The following DST variants were observed in gnomAD, a reference collection of about 807,000 sequenced individuals.
DST encodes dystonin, also known as bullous pemphigoid antigen.
DST carries 253 observed loss-of-function variants against 875.2 expected under a neutral mutation model. That is an observed-to-expected ratio of 0.29 (90% CI 0.26 to 0.32). The LOEUF is 0.32. Ranked by LOEUF, DST falls within the 10% of genes least tolerant of loss-of-function variation. DST has a pLI of 1.00. For missense variants in DST, 8,287 were observed against 9,111.6 expected, an observed-to-expected ratio of 0.91 and a Z score of 3.68; for synonymous variants, 3,124 against 3,197.1, an observed-to-expected ratio of 0.98 and a Z score of 0.77.
At chr6:56,580,640 G>A (rs2097958634) in intron 49 of DST, among the ~76,000 whole-genome samples, 1 of 151,380 alleles carries the variant, frequency 6.6e-6, no homozygotes, top group Non-Finnish European at 1.5e-5. Flanking sequence ...CACTGCTGGA[G>A]AGGGCAGGAA....
chr6:56,871,397 G>A (rs1777017263), intron 3 of DST: 2 of 1,429,438 alleles, frequency 1.4e-6, no homozygotes, highest in Non-Finnish European at 2.0e-6. Flanking sequence ...GAGTTGGCAG[G>A]TGTGCCCAGG....
chr6:56,824,561 G>A (rs1041430586), intron 4 of DST, among the ~76,000 whole-genome samples: 9 of 151,696 alleles, frequency 5.9e-5, no homozygotes, highest in African/African-American at 2.2e-4. Context: ...AGGAAATGAG[G>A]AGCGTCTCTG....
intron 49 of DST, among the ~76,000 whole-genome samples, chr6:56,589,907 A>C (rs1396525502): frequency 6.6e-6 from 1 of 152,268 alleles, no homozygotes; most frequent in Non-Finnish European, 1.5e-5. Context: ...TCAGAATATA[A>C]GTAGAAGATA....
chr6:56,582,905 T>C (rs1045568932), intron 49 of DST, among the ~76,000 whole-genome samples: 4 of 152,154 alleles, frequency 2.6e-5, no homozygotes, highest in African/African-American at 9.7e-5. Context: ...TTCATCCATG[T>C]CCCTACAAAG....
intron 10 of DST, among the ~76,000 whole-genome samples, chr6:56,661,213 T>C (rs1303393794): frequency 6.6e-6 from 1 of 152,178 alleles, no homozygotes; most frequent in Non-Finnish European, 1.5e-5. Flanking sequence ...AACTACTTCA[T>C]ATCACAGGCT....
At chr6:56,777,994 C>G (rs1167479318) in intron 4 of DST, among the ~76,000 whole-genome samples, 1 of 152,076 alleles carries the variant, frequency 6.6e-6, no homozygotes, top group Admixed American at 6.5e-5. Flanking sequence ...TGAGCCACTG[C>G]CCCCGGCCTG....
intron 17 of DST, among the ~76,000 whole-genome samples, chr6:56,641,384 C>A (rs1234118734): frequency 6.6e-6 from 1 of 152,016 alleles, no homozygotes; most frequent in Non-Finnish European, 1.5e-5. Context: ...GTCAGGAGTA[C>A]AAGACCAGCC....
At chr6:56,625,089 A>T in intron 35 of DST, 68 bp downstream of exon 35, 1 of 1,136,422 alleles carries the variant, frequency 8.8e-7, no homozygotes, top group Non-Finnish European at 1.3e-6. Context: ...ACAACAAAAA[A>T]TAAAATTTAA....
chr6:56,902,910 G>A (rs561500922), intron 2 of DST, among the ~76,000 whole-genome samples: 31 of 58,324 alleles, frequency 5.3e-4, no homozygotes, highest in Admixed American at 2.9e-3. Context: ...CCACCCACCC[G>A]CCCCCTCCAC....
chr6:56,927,796 A>C (rs6903352), intron 2 of DST, among the ~76,000 whole-genome samples: 2,818 of 152,326 alleles, frequency 0.018, 88 homozygotes, highest in African/African-American at 0.064. Flanking sequence ...TAGATATTTC[A>C]ACAGGAGGGA....
At chr6:56,474,043 A>G in intron 92 of DST, 41 bp from the exon 93 acceptor site, 2 of 1,534,022 alleles carry the variant, frequency 1.3e-6, no homozygotes, top group Non-Finnish European at 1.8e-6. Flanking sequence ...AAGAGTTACT[A>G]CAGAAAACCG....
chr6:56,743,959 C>A (rs2099558429), intron 4 of DST, among the ~76,000 whole-genome samples: 1 of 151,960 alleles, frequency 6.6e-6, no homozygotes, highest in South Asian at 2.1e-4. Flanking sequence ...TTCGAGACCA[C>A]CTGCATGGTG....
chr6:56,867,005 C>T (rs1259094521), intron 3 of DST, among the ~76,000 whole-genome samples: 1 of 152,076 alleles, frequency 6.6e-6, no homozygotes, highest in Non-Finnish European at 1.5e-5. Context: ...AAGCTTGTTA[C>T]AGAACAACAG....
intron 5 of DST, 123 bp from the exon 6 acceptor site, chr6:56,704,492 T>C (rs1036594155): frequency 1.5e-5 from 8 of 527,210 alleles, no homozygotes; most frequent in Non-Finnish European, 2.7e-5. Flanking sequence ...CACCTATTTT[T>C]AAATTTTTAA....
At chr6:56,623,524 T>C (rs2098708388) in intron 36 of DST, among the ~76,000 whole-genome samples, 1 of 152,160 alleles carries the variant, frequency 6.6e-6, no homozygotes, top group Non-Finnish European at 1.5e-5. Flanking sequence ...TGCAGAAAAC[T>C]GTTAACTCTG....
At chr6:56,511,574 C>G (rs1268017551) in intron 72 of DST, among the ~76,000 whole-genome samples, 174 bp from the exon 73 acceptor site, 2 of 152,096 alleles carry the variant, frequency 1.3e-5, no homozygotes, top group African/African-American at 2.4e-5. Context: ...AAGGTCCTGA[C>G]ACAAAGATTA....
chr6:56,884,320 A>G (rs943768038), intron 3 of DST, among the ~76,000 whole-genome samples: 17 of 152,154 alleles, frequency 1.1e-4, no homozygotes, highest in African/African-American at 3.4e-4. Context: ...TTTGTTCTAG[A>G]GTTTCCCACA....
chr6:56,530,530 AAC>A (rs1293739905), intron 64 of DST, among the ~76,000 whole-genome samples: 2 of 152,192 alleles, frequency 1.3e-5, no homozygotes, highest in Non-Finnish European at 2.9e-5. Flanking sequence ...CAATTGGAGC[AAC>A]AGTTACTGAG....
At chr6:56,569,378 GA>G (rs71560973) in intron 54 of DST, among the ~76,000 whole-genome samples, 34 of 150,542 alleles carry the variant, frequency 2.3e-4, no homozygotes, top group Middle Eastern at 3.4e-3. Flanking sequence ...TGGAATGGGG[GA>G]AAAAAAATGC....
Sources: allele counts gnomAD v4.1 joint callset (sites outside exome capture counted in the v4.1 genomes callset), GRCh38; gene constraint gnomAD v4.1.1; transcripts MANE v1.5; gene names NCBI Gene and HGNC (gene_info 2026-07-23, HGNC 2026-07-21).